The following CD55 variants were observed in gnomAD, a reference collection of about 807,000 sequenced individuals.
CD55 encodes complement decay-accelerating factor.
CD55 carries 41 observed loss-of-function variants against 45.8 expected under a neutral mutation model. The ratio of observed to expected loss-of-function variants is 0.90; its 90% confidence interval spans 0.70 to 1.16. CD55 has a LOEUF of 1.16. Among genes scored for constraint, CD55 ranks in the 50% most tolerant of loss-of-function variants. The pLI, the probability that CD55 is intolerant of heterozygous loss-of-function variation, is 0.00. For missense variants in CD55, 416 were observed against 469.8 expected (o/e 0.89, Z 1.06); for synonymous variants, 181 against 181.1 (o/e 1.00, Z 0.01).
intron 9 of CD55, among the ~76,000 whole-genome samples, chr1:207,344,011 G>C (rs28738998): frequency 0.063 from 9,580 of 152,206 alleles, 657 homozygotes; most frequent in African/African-American, 0.17. Context: ...TGTTAGCATG[G>C]AGTATCTTTT....
At chr1:207,337,537 C>G in intron 8 of CD55, 128 bp downstream of exon 8, 1 of 576,808 alleles carries the variant, frequency 1.7e-6, no homozygotes, top group Non-Finnish European at 3.1e-6. Flanking sequence ...CATACTAATA[C>G]TTTTTACTTT....
rs28738994 is a variant in CD55, at chr1:207,341,882, G to T, written c.1081+2465G>T. Among the ~76,000 whole-genome samples the T allele has an allele frequency of 5.5e-3, 835 of 152,004 alleles. 8 individuals are homozygous for T. The highest frequency in any genetic ancestry group is 0.018 in the African/African-American group (758 of 41,458). On this transcript the variant is annotated intron_variant, in intron 9 of 9. Coordinates refer to ENST00000367064, the MANE Select transcript of CD55 (RefSeq NM_000574.5). ...ATAGCTCTTCCAGTCCGTGAGCATG[G>T]GATGTCTTTCCCTTTGTGCCCTCTT...
Position 207,328,702 on chromosome 1 carries a change from A to G in CD55, c.664+1865A>G, listed in dbSNP as rs544186164. On this transcript the variant is annotated intron_variant, in intron 5 of 9. Transcript: ENST00000367064. Reference sequence around the variant, plus strand: ...CCCTGCTATATGACTATCATGCCAGACCCTTCTCTTTATCTTAACTCCCCA... The same window carrying G: ...CCCTGCTATATGACTATCATGCCAGGCCCTTCTCTTTATCTTAACTCCCCA... 2.2e-4 allele frequency among the ~76,000 whole-genome samples: 33 copies of G among 152,236 alleles called. No individual in the cohort carries two copies. The South Asian group carries it at 6.6e-3, about 31-fold the overall frequency.
chr1:207,343,706 A>C (rs1572892860), intron 9 of CD55, among the ~76,000 whole-genome samples: 2 of 152,196 alleles, frequency 1.3e-5, no homozygotes, highest in African/African-American at 2.4e-5. Context: ...TGCAATTTAA[A>C]TCCAATGTTT....
At chr1:207,334,928 C>G (rs775265552) in intron 6 of CD55, among the ~76,000 whole-genome samples, 23 of 151,918 alleles carry the variant, frequency 1.5e-4, no homozygotes, top group Non-Finnish European at 3.2e-4. Flanking sequence ...ACAAGAGACA[C>G]AGTTTAATTA....
Position 207,331,229 on chromosome 1 carries a change from G to A in CD55, c.786G>A (p.Glu262=). Residue 262 remains glutamate (E), a synonymous_variant, in exon 6 of 10, where the codon GAG becomes GAA. Coordinates refer to ENST00000367064, the MANE Select transcript of CD55 (RefSeq NM_000574.5). ...ATAAAGGATTCACCATGATTGGAGA[G>A]CACTCTATTTATTGTACTGTGAATA... ...ACNKGFTMIG[E]HSIYCTVNND... is the part of the protein sequence containing the mutation. The A allele has an allele frequency of 1.9e-6, 3 of 1,613,690 alleles. No individual in the cohort carries two copies. The highest frequency in any genetic ancestry group is 2.5e-6 in the Non-Finnish European group (3 of 1,179,656).
At chr1:207,325,203 C>T (rs947037527) in intron 3 of CD55, among the ~76,000 whole-genome samples, 3 of 151,848 alleles carry the variant, frequency 2.0e-5, no homozygotes, top group Non-Finnish European at 4.4e-5. Flanking sequence ...GGTGTGGTGG[C>T]GCATGCCTGT....
chr1:207,337,332 C>T lies in CD55; in HGVS notation c.983C>T (p.Thr328Ile). ...TTCCCTTCTGCTCATATTACAGCAA[C>T]ACGGAGTACACCTGTTTCCAGGACA... ...TKTTTPNAQA[T>I]RSTPVSRTTK... Residue 328 changes from threonine (T) to isoleucine (I), a missense_variant, in exon 8 of 10, where the codon ACA (threonine) becomes ATA (isoleucine). Transcript: ENST00000367064. The T allele has an allele frequency of 6.2e-7, 1 of 1,600,248 alleles. No individual in the cohort carries two copies. Among genetic ancestry groups the T allele is most frequent in the Non-Finnish European group, 8.6e-7 (1 of 1,167,586 alleles).
chr1:207,350,264 G>A (rs1260462501), intron 9 of CD55: 2 of 310,656 alleles, frequency 6.4e-6, no homozygotes, highest in Non-Finnish European at 6.3e-6. Flanking sequence ...TGATCTGCTA[G>A]TATTTTGTTG....
At chr1:207,328,021 G>A (rs565572965) in intron 5 of CD55, among the ~76,000 whole-genome samples, 9 of 152,130 alleles carry the variant, frequency 5.9e-5, no homozygotes, top group Non-Finnish European at 8.8e-5. Flanking sequence ...TTTGACCCAG[G>A]CAACATGTCA....
intron 9 of CD55, 141 bp from the exon 10 acceptor site, chr1:207,359,405 A>T: frequency 1.4e-6 from 1 of 729,484 alleles, no homozygotes; most frequent in Non-Finnish European, 2.1e-6. Flanking sequence ...TCTATTACTC[A>T]TTATTTTTTT....
intron 6 of CD55, among the ~76,000 whole-genome samples, chr1:207,336,122 C>G (rs1171274015): frequency 6.6e-6 from 1 of 152,040 alleles, no homozygotes; most frequent in Non-Finnish European, 1.5e-5. Context: ...GAAAGTTTCA[C>G]CTGACTTGTT....
chr1:207,355,267 G>A (rs1335077187), intron 9 of CD55, among the ~76,000 whole-genome samples: 1 of 127,900 alleles, frequency 7.8e-6, no homozygotes, highest in African/African-American at 2.9e-5. Flanking sequence ...AGTGTCATCT[G>A]TCATTTCCTT....
At chr1:207,332,780 A>C (rs1488202053) in intron 6 of CD55, among the ~76,000 whole-genome samples, 1 of 152,124 alleles carries the variant, frequency 6.6e-6, no homozygotes, top group African/African-American at 2.4e-5. Context: ...ATTACCAAAA[A>C]ATTATATTTT....
Position 207,356,629 on chromosome 1 carries a change from A to G in CD55, c.1082-2917A>G, listed in dbSNP as rs553898472. Among the ~76,000 whole-genome samples, 27 of 152,270 alleles carry G rather than the reference A, an allele frequency of 1.8e-4. 1 individual carries two copies. The South Asian group carries it at 5.6e-3, about 32-fold the overall frequency. On this transcript the variant is annotated intron_variant, in intron 9 of 9. Coordinates refer to ENST00000367064, the MANE Select transcript of CD55 (RefSeq NM_000574.5). ...AACAGCACAGTGGTTAAGGCAGCAG[A>G]CAAATGGGGGAAATATAGTACCTAC...
chr1:207,340,418 TG>T (rs1200845896), intron 9 of CD55: 1 of 523,054 alleles, frequency 1.9e-6, no homozygotes, highest in African/African-American at 2.0e-5. Context: ...CAGGCTGGTA[TG>T]CGGTGGTGTG....
chr1:207,353,046 T>TG (rs1187539868), intron 9 of CD55, among the ~76,000 whole-genome samples: 5 of 136,346 alleles, frequency 3.7e-5, no homozygotes, highest in African/African-American at 1.4e-4. Context: ...CCAGGTTTTT[T>TG]TTTTTTTTTT....
At chr1:207,354,906 C>T (rs1033362062) in intron 9 of CD55, among the ~76,000 whole-genome samples, 3 of 152,154 alleles carry the variant, frequency 2.0e-5, no homozygotes, top group East Asian at 1.9e-4. Context: ...CTTCTGTCAT[C>T]TGGATGTTCT....
intron 8 of CD55, among the ~76,000 whole-genome samples, chr1:207,337,931 T>C (rs890164484): frequency 1.3e-5 from 2 of 152,222 alleles, no homozygotes; most frequent in African/African-American, 2.4e-5. Flanking sequence ...CTATAAACGA[T>C]AGGTTCTCAG....
Sources: gnomAD v4.1 joint callset for allele counts (sites outside exome capture counted in the v4.1 genomes callset) on GRCh38, gnomAD v4.1.1 for gene constraint, MANE v1.5 for transcripts, NCBI Gene and HGNC (gene_info 2026-07-23, HGNC 2026-07-21) for gene names.